The following KIF15 variants were observed in gnomAD, a reference collection of about 807,000 sequenced individuals.
KIF15 encodes kinesin family member 15, also known as kinesin-like protein KIF15.
Under a neutral mutation model 190.6 loss-of-function variants are expected in KIF15, and 140 were observed. That is an observed-to-expected ratio of 0.73 (90% CI 0.64 to 0.84). The LOEUF is 0.84. Ranked by LOEUF, KIF15 falls within the 40% of genes least tolerant of loss-of-function variation. KIF15 has a pLI of 0.00. For synonymous variants in KIF15, 528 were observed against 551.3 expected (o/e 0.96, Z 0.59); for missense variants, 1,372 against 1,584.4 (o/e 0.87, Z 2.28).
At position 44,852,199 on chromosome 3, in the gene KIF15, T is replaced by C; in HGVS notation, c.3973-9T>C. 6.2e-7 allele frequency: 1 copy of C among 1,604,968 alleles called. No individual in the cohort carries two copies. Among genetic ancestry groups the C allele is most frequent in the Non-Finnish European group, 8.5e-7 (1 of 1,174,962 alleles). Reference sequence around the variant, plus strand: ...CTCATTTTTCCCTCCTTGGATTGATTACCTGCAGGAGATGGAAATGTTAAG... The same window carrying C: ...CTCATTTTTCCCTCCTTGGATTGATCACCTGCAGGAGATGGAAATGTTAAG... On this transcript the variant is annotated splice_polypyrimidine_tract_variant and intron_variant, in intron 33 of 34. Transcript: ENST00000326047.
At chr3:44,854,336 G>C (rs1699158300), downstream of KIF15, among the ~76,000 whole-genome samples, 1 of 145,584 alleles carries the variant, frequency 6.9e-6, no homozygotes, top group African/African-American at 2.6e-5. Flanking sequence ...ATTGAGCTAA[G>C]ATTGTACCAC....
chr3:44,853,561 A>T (rs1035110820), downstream of KIF15, among the ~76,000 whole-genome samples: 1 of 152,226 alleles, frequency 6.6e-6, no homozygotes, highest in African/African-American at 2.4e-5. Flanking sequence ...TCTTGAGCAC[A>T]TGCCTAGGAG....
intron 6 of KIF15, 33 bp from the exon 7 acceptor site, chr3:44,786,362 A>G: frequency 6.4e-7 from 1 of 1,556,622 alleles, no homozygotes; most frequent in Non-Finnish European, 8.7e-7. Context: ...ACACATGAAA[A>G]TAATGTATCT....
At chr3:44,833,652 C>T (rs928768271) in intron 26 of KIF15, among the ~76,000 whole-genome samples, 5 of 152,066 alleles carry the variant, frequency 3.3e-5, no homozygotes, top group Non-Finnish European at 5.9e-5. Context: ...AAGCTGTGCT[C>T]GCTTTCCTCC....
intron 1 of KIF15, among the ~76,000 whole-genome samples, chr3:44,771,943 A>C (rs960858259): frequency 1.3e-5 from 2 of 152,220 alleles, no homozygotes; most frequent in South Asian, 4.1e-4. Context: ...TTTTGATGAC[A>C]TCTGCATTTT....
intron 24 of KIF15, among the ~76,000 whole-genome samples, chr3:44,829,557 T>TG (rs1553658691): frequency 8.9e-6 from 1 of 112,304 alleles, no homozygotes; most frequent in Admixed American, 1.1e-4. Flanking sequence ...TATGTATATA[T>TG]TATATATGTA....
At chr3:44,804,914 A>AT in intron 14 of KIF15, 113 bp from the exon 15 acceptor site, 1 of 1,135,004 alleles carries the variant, frequency 8.8e-7, no homozygotes, top group Non-Finnish European at 1.2e-6. Flanking sequence ...TTGGGGCTTT[A>AT]GTACACTATG....
chr3:44,838,757 A>C (rs1698449199), intron 27 of KIF15, among the ~76,000 whole-genome samples: 1 of 151,654 alleles, frequency 6.6e-6, no homozygotes, highest in Non-Finnish European at 1.5e-5. Context: ...CAAAAAAAAA[A>C]AAAAAAAAAA....
chr3:44,790,587 C>A (rs909607072), intron 7 of KIF15, among the ~76,000 whole-genome samples: 1 of 151,860 alleles, frequency 6.6e-6, no homozygotes, highest in Non-Finnish European at 1.5e-5. Flanking sequence ...ACTTTCCTAT[C>A]AACACATTTT....
At position 44,815,076 on chromosome 3, in the gene KIF15, G is replaced by C. The variant is rs1707966943; in HGVS notation, c.2549G>C (p.Arg850Thr). 6.4e-7 allele frequency: 1 copy of C among 1,573,144 alleles called. No individual in the cohort carries two copies. Among genetic ancestry groups the C allele is most frequent in the African/African-American group, 1.4e-5 (1 of 72,802 alleles). ...GTACAGCTTCAATTAGATAATCTCAGGTAGAGTTGTTCTTTTATGGTTTCA... is the reference window on the plus strand; with the variant it reads ...GTACAGCTTCAATTAGATAATCTCACGTAGAGTTGTTCTTTTATGGTTTCA... ...MHVQLQLDNL[R>T]LENEKLLESK... The change falls in exon 20 of 35, where the codon AGG becomes ACG. Residue 850 changes from arginine (R) to threonine (T), a missense_variant and splice_region_variant. By Grantham distance (71) the Arg-to-Thr change is moderately conservative. Transcript: ENST00000326047.
chr3:44,771,921 C>A (rs2125899160), intron 1 of KIF15, among the ~76,000 whole-genome samples: 1 of 152,206 alleles, frequency 6.6e-6, no homozygotes, highest in East Asian at 1.9e-4. Context: ...TAACCCTAGG[C>A]AAAAATGTAC....
chr3:44,865,815 C>G (rs529171372), intron 6 of KIF15: 1 of 154,682 alleles, frequency 6.5e-6, no homozygotes, highest in South Asian at 2.0e-4. Flanking sequence ...AGAGCTTGAT[C>G]TTGTGGTTAC....
At chr3:44,821,611 C>G (rs374248213) in intron 20 of KIF15, among the ~76,000 whole-genome samples, 1 of 151,326 alleles carries the variant, frequency 6.6e-6, no homozygotes, top group Non-Finnish European at 1.5e-5. Flanking sequence ...GGGATGGCGG[C>G]TGGGAAGAGG....
At chr3:44,863,357 G>T (rs1034700073) in intron 6 of KIF15, 7 of 130,578 alleles carry the variant, frequency 5.4e-5, no homozygotes, top group Non-Finnish European at 9.4e-5. Context: ...ACCAAGCAAG[G>T]GGGACTGCAT....
In KIF15 at chr3:44,775,426, G is replaced by T. The variant is rs1705831316; in HGVS notation, c.235G>T (p.Asp79Tyr). The T allele has an allele frequency of 3.1e-6, 5 of 1,604,312 alleles. No individual in the cohort carries two copies. Among genetic ancestry groups the T allele is most frequent in the Non-Finnish European group, 4.2e-6 (5 of 1,176,492 alleles). The change falls in exon 3 of 35, where the codon GAT becomes TAT. Residue 79 changes from aspartate (D) to tyrosine (Y), a missense_variant. Transcript: ENST00000326047. ...CACGTTTGATCATGTTGCAGATGTG[G>T]ATACCACTCAGGTAATGATAATTAG... Reference protein sequence around the residue: ...TFTFDHVADVDTTQESVFATV... With the variant: ...TFTFDHVADVYTTQESVFATV...
At position 44,841,128 on chromosome 3, in the gene KIF15, C is replaced by G. The variant is rs144715957; in HGVS notation, c.3475C>G (p.Gln1159Glu). 253 of 1,613,464 alleles carry G rather than the reference C, an allele frequency of 1.6e-4. 2 individuals are homozygous for G. The highest frequency in any genetic ancestry group is 2.0e-4 in the Non-Finnish European group (231 of 1,179,616). Residue 1159 changes from glutamine (Q) to glutamate (E), a missense_variant, in exon 29 of 35, where the codon CAA (glutamine) becomes GAA (glutamate). Transcript: ENST00000326047. ...ACATTTGGCAAAACTCCTGGAAACACAAGAACAAGAGATAGAAGATGGAAG... is the reference window on the plus strand; with the variant it reads ...ACATTTGGCAAAACTCCTGGAAACAGAAGAACAAGAGATAGAAGATGGAAG... The part of the protein sequence containing the change: ...QTHLAKLLET[Q>E]EQEIEDGRAS...
At chr3:44,806,366 C>A (rs1193739994) in intron 16 of KIF15, among the ~76,000 whole-genome samples, 1 of 152,128 alleles carries the variant, frequency 6.6e-6, no homozygotes, top group Non-Finnish European at 1.5e-5. Context: ...AAAATGGCAG[C>A]TATTACTACA....
At chr3:44,781,395 T>A (rs1441120797) in intron 5 of KIF15, among the ~76,000 whole-genome samples, 1 of 152,252 alleles carries the variant, frequency 6.6e-6, no homozygotes, top group African/African-American at 2.4e-5. Context: ...TGTTGTTGCA[T>A]GTAGTAGTAG....
chr3:44,823,380 A>G (rs184528600), intron 20 of KIF15, among the ~76,000 whole-genome samples: 2,690 of 152,206 alleles, frequency 0.018, 69 homozygotes, highest in African/African-American at 0.061. Context: ...CTTCCTCTGG[A>G]AGCTTCGTCC....
Sources: gnomAD v4.1 joint callset for allele counts (sites outside exome capture counted in the v4.1 genomes callset) on GRCh38, gnomAD v4.1.1 for gene constraint, MANE v1.5 for transcripts, NCBI Gene and HGNC (gene_info 2026-07-23, HGNC 2026-07-21) for gene names.